The following ERC1 variants were observed in gnomAD, a reference collection of about 807,000 sequenced individuals.
ERC1 encodes the protein ELKS/RAB6-interacting/CAST family member 1, also known as RAB6 interacting protein 2.
Under a neutral mutation model 132.0 loss-of-function variants are expected in ERC1, and 56 were observed. That is an observed-to-expected ratio of 0.42 (90% CI 0.34 to 0.53). ERC1 has a LOEUF of 0.53. ERC1 is among the 20% of genes least tolerant of loss of function. ERC1 has a pLI of 0.03. For missense variants in ERC1, 1,202 were observed against 1,349.9 expected (o/e 0.89, Z 1.72); for synonymous variants, 478 against 476.1 (o/e 1.00, Z -0.05).
Position 1,236,859 on chromosome 12 carries a change from G to T in ERC1, c.2442G>T (p.Ala814=). The T allele has an allele frequency of 6.2e-7, 1 of 1,613,966 alleles. No individual in the cohort carries two copies. The highest frequency in any genetic ancestry group is 8.5e-7 in the Non-Finnish European group (1 of 1,179,868). Residue 814 remains alanine (A), a synonymous_variant, in exon 13 of 19, where the codon GCG becomes GCT. Coordinates refer to ENST00000360905, the MANE Select transcript of ERC1 (RefSeq NM_178040.4). ...AGAGTGCACAAATGTTAGAGGAGGCGCGACGACGGGAGGACAATCTCAACG... is the reference window on the plus strand; with the variant it reads ...AGAGTGCACAAATGTTAGAGGAGGCTCGACGACGGGAGGACAATCTCAACG... ...KKKSAQMLEE[A]RRREDNLNDS...
intron 15 of ERC1, among the ~76,000 whole-genome samples, chr12:1,328,627 G>A (rs114544394): frequency 1.9e-3 from 273 of 144,712 alleles, no homozygotes; most frequent in African/African-American, 7.3e-3. Flanking sequence ...TCTCTCTTTC[G>A]CTTCCCCCTC....
intron 3 of ERC1, among the ~76,000 whole-genome samples, chr12:1,096,034 T>C (rs1443821894): frequency 6.6e-6 from 1 of 151,664 alleles, no homozygotes; most frequent in East Asian, 1.9e-4. Context: ...CAAGCAGTCC[T>C]CCTGCCTCAG....
At chr12:1,099,821 T>C (rs1944447463) in intron 3 of ERC1, among the ~76,000 whole-genome samples, 1 of 147,524 alleles carries the variant, frequency 6.8e-6, no homozygotes. Flanking sequence ...AGGATGAGCC[T>C]GCTTGAGACT....
intron 12 of ERC1, among the ~76,000 whole-genome samples, chr12:1,195,855 A>G (rs1417985797): frequency 6.7e-6 from 1 of 148,750 alleles, no homozygotes. Flanking sequence ...TCAAATGGAT[A>G]TAATTATGTA....
chr12:1,434,598 C>A (rs140180653), intron 17 of ERC1, among the ~76,000 whole-genome samples: 1 of 152,200 alleles, frequency 6.6e-6, no homozygotes, highest in Non-Finnish European at 1.5e-5. Flanking sequence ...GGGGCTGCCC[C>A]CCTTTGCCAC....
chr12:1,483,981 G>A (rs536544750), intron 18 of ERC1, among the ~76,000 whole-genome samples: 11 of 151,496 alleles, frequency 7.3e-5, no homozygotes, highest in African/African-American at 2.4e-4. Context: ...GGCGTGAGCC[G>A]CTGCGCCCAG....
intron 1 of ERC1, among the ~76,000 whole-genome samples, chr12:1,026,074 A>T (rs1357785728): frequency 6.6e-6 from 1 of 152,128 alleles, no homozygotes; most frequent in Non-Finnish European, 1.5e-5. Flanking sequence ...GGAATTACAG[A>T]TGTAAGCCAC....
intron 15 of ERC1, among the ~76,000 whole-genome samples, chr12:1,321,460 A>G (rs1249139810): frequency 6.6e-6 from 1 of 152,160 alleles, no homozygotes; most frequent in Non-Finnish European, 1.5e-5. Flanking sequence ...TATTTAATCA[A>G]TTATACATAG....
intron 12 of ERC1, among the ~76,000 whole-genome samples, chr12:1,195,254 C>T (rs937550628): frequency 6.6e-6 from 1 of 152,068 alleles, no homozygotes. Context: ...CCCTTTTGCC[C>T]CTTTACAGCA....
chr12:1,462,624 CAG>C (rs2093665066), intron 18 of ERC1, among the ~76,000 whole-genome samples: 2 of 152,006 alleles, frequency 1.3e-5, no homozygotes, highest in Non-Finnish European at 1.5e-5. Context: ...CATTCAGGAA[CAG>C]AATAAATTAT....
Position 1,330,783 on chromosome 12 carries a change from T to A in ERC1, c.2780+40771T>A, listed in dbSNP as rs551359094. Reference sequence around the variant, plus strand: ...TACTGTTTTCTCTAATATTTTGTTCTGCAACTCCTAGTAGACTTAGAGTCT... The same window carrying A: ...TACTGTTTTCTCTAATATTTTGTTCAGCAACTCCTAGTAGACTTAGAGTCT... On this transcript the variant is annotated intron_variant, in intron 15 of 18. Coordinates refer to ENST00000360905, the MANE Select transcript of ERC1 (RefSeq NM_178040.4). Among the ~76,000 whole-genome samples, 204 of 152,366 alleles carry A rather than the reference T, an allele frequency of 1.3e-3. 1 individual carries two copies. The highest frequency in any genetic ancestry group is 4.8e-3 in the African/African-American group (198 of 41,594).
chr12:1,472,566 C>T (rs2093884238), intron 18 of ERC1, among the ~76,000 whole-genome samples: 1 of 151,630 alleles, frequency 6.6e-6, no homozygotes, highest in South Asian at 2.1e-4. Flanking sequence ...GAGAGAATCA[C>T]TTCAGCCCAA....
chr12:1,160,289 C>G (rs1951769802), intron 8 of ERC1, among the ~76,000 whole-genome samples: 1 of 152,206 alleles, frequency 6.6e-6, no homozygotes, highest in African/African-American at 2.4e-5. Flanking sequence ...AACTGCTGAT[C>G]AGATTGATAT....
intron 2 of ERC1, among the ~76,000 whole-genome samples, chr12:1,032,411 A>T (rs557468820): frequency 6.6e-6 from 1 of 152,178 alleles, no homozygotes; most frequent in South Asian, 2.1e-4. Flanking sequence ...CTGTTGTGGC[A>T]CTTTTGAGCT....
chr12:1,473,997 C>T (rs887262744), intron 18 of ERC1, among the ~76,000 whole-genome samples: 8 of 152,282 alleles, frequency 5.3e-5, no homozygotes, highest in East Asian at 3.9e-4. Context: ...GATGCTCTTA[C>T]GGCAAAATAC....
Position 1,141,790 on chromosome 12 carries a change from A to G in ERC1, c.1737+3A>G. 2 of 1,591,940 alleles carry G rather than the reference A, an allele frequency of 1.3e-6. No individual in the cohort carries two copies. The highest frequency in any genetic ancestry group is 2.3e-5 in the South Asian group (2 of 86,160). On this transcript the variant is annotated splice_donor_region_variant and intron_variant, in intron 8 of 18. Transcript: ENST00000360905. ...AGGTTAATGTTCTTCAGAAGAAGGT[A>G]AGGTACAGGTGTTTCGAGTTCAGTG... is the stretch of plus-strand genomic sequence containing the variant.
At chr12:1,001,534 A>G (rs950272362) in intron 1 of ERC1, among the ~76,000 whole-genome samples, 5 of 152,230 alleles carry the variant, frequency 3.3e-5, no homozygotes, top group African/African-American at 9.6e-5. Context: ...TCCTTCTCTC[A>G]TAAAGGTAAT....
rs2091616744 is a variant in ERC1 at position 1,408,012 on chromosome 12, A to C, written c.2926-137A>C. ...CTAAACTCTTTCCAGTATCCTCAGA[A>C]ATCCCATATTTAGTTTATTTTATTG... On this transcript the variant is annotated intron_variant, in intron 16 of 18. Coordinates refer to ENST00000360905, the MANE Select transcript of ERC1 (RefSeq NM_178040.4). 1.1e-5 allele frequency: 7 copies of C among 616,248 alleles called. No homozygotes were observed. In the South Asian group the frequency reaches 1.5e-4, roughly 14 times the overall value. The allele number at this position is 616,248 out of a possible 1,614,324, so 38.2% of individuals were successfully genotyped here.
intron 15 of ERC1, among the ~76,000 whole-genome samples, chr12:1,347,910 G>A (rs2084635076): frequency 6.6e-6 from 1 of 152,180 alleles, no homozygotes; most frequent in Admixed American, 6.5e-5. Context: ...TTGAAGCCGG[G>A]AGGCAGAGGT....
Sources: gnomAD v4.1 joint callset for allele counts (sites outside exome capture counted in the v4.1 genomes callset) on GRCh38, gnomAD v4.1.1 for gene constraint, MANE v1.5 for transcripts, NCBI Gene and HGNC (gene_info 2026-07-23, HGNC 2026-07-21) for gene names.